CNTN5: variants seen among roughly 807,000 people sequenced by gnomAD.
CNTN5 encodes the protein contactin-5.
A neutral mutation model predicts 129.1 loss-of-function variants in CNTN5; 77 were observed. The observed-to-expected ratio is 0.60, with a 90% CI of 0.50 to 0.72. CNTN5 has a LOEUF of 0.72. Among genes scored for constraint, CNTN5 ranks in the 30% least tolerant of loss-of-function variants. The probability of loss-of-function intolerance (pLI) is 0.00; values close to 1 mark genes in which losing one functional copy is unlikely to be tolerated. For missense variants in CNTN5, 1,478 were observed against 1,328.8 expected (o/e 1.11, Z -1.75); for synonymous variants, 509 against 465.6 (o/e 1.09, Z -1.20).
chr11:99,868,146 G>C (rs1311587660), intron 6 of CNTN5, among the ~76,000 whole-genome samples: 1 of 151,924 alleles, frequency 6.6e-6, no homozygotes, highest in Non-Finnish European at 1.5e-5. Flanking sequence ...AACCCAGGAG[G>C]CGGAGGTTGT....
At chr11:99,814,456 C>T (rs1400534135) in intron 3 of CNTN5, among the ~76,000 whole-genome samples, 2 of 152,134 alleles carry the variant, frequency 1.3e-5, no homozygotes, top group African/African-American at 4.8e-5. Context: ...CTTGGAATCT[C>T]ACAAAGCCCA....
chr11:100,063,378 T>C (rs939479120), intron 10 of CNTN5, among the ~76,000 whole-genome samples: 5 of 148,132 alleles, frequency 3.4e-5, no homozygotes, highest in African/African-American at 1.0e-4. Context: ...TCACTTTGAA[T>C]AGAAAAAAAA....
intron 2 of CNTN5, among the ~76,000 whole-genome samples, chr11:99,399,958 G>A (rs1489401300): frequency 6.6e-6 from 1 of 151,922 alleles, no homozygotes; most frequent in East Asian, 1.9e-4. Context: ...CATGGAAAAT[G>A]GAGTATCTAT....
intron 1 of CNTN5, among the ~76,000 whole-genome samples, chr11:99,179,555 T>G (rs568947934): frequency 6.6e-6 from 1 of 152,216 alleles, no homozygotes; most frequent in Non-Finnish European, 1.5e-5. Context: ...AGAGTTAATG[T>G]AATTTTATGG....
chr11:99,636,076 A>G (rs1951539239), intron 3 of CNTN5, among the ~76,000 whole-genome samples: 1 of 140,098 alleles, frequency 7.1e-6, no homozygotes, highest in Admixed American at 7.0e-5. Context: ...AAACTATATA[A>G]CTAGGAAAGC....
At chr11:100,128,819 C>T (rs191783059) in intron 13 of CNTN5, among the ~76,000 whole-genome samples, 407 of 152,110 alleles carry the variant, frequency 2.7e-3, no homozygotes, top group Non-Finnish European at 4.1e-3. Flanking sequence ...ATGCCACCCC[C>T]CTAAGCCAAC....
At chr11:99,421,605 A>G (rs1171079497) in intron 2 of CNTN5, among the ~76,000 whole-genome samples, 2 of 152,172 alleles carry the variant, frequency 1.3e-5, no homozygotes, top group African/African-American at 4.8e-5. Flanking sequence ...ATGTTTGAAA[A>G]CAATTTGCCA....
At chr11:99,363,260 T>C (rs1231029997) in intron 2 of CNTN5, among the ~76,000 whole-genome samples, 1 of 152,150 alleles carries the variant, frequency 6.6e-6, no homozygotes, top group Admixed American at 6.5e-5. Context: ...ACGTATTTTA[T>C]TCTTTTTGAT....
At chr11:99,894,502 C>G (rs1396657194) in intron 6 of CNTN5, among the ~76,000 whole-genome samples, 1 of 96,628 alleles carries the variant, frequency 1.0e-5, no homozygotes, top group African/African-American at 3.6e-5. Flanking sequence ...TATATTATGA[C>G]AGGTACCAGC....
chr11:99,839,135 A>C (rs542885707), intron 4 of CNTN5, among the ~76,000 whole-genome samples: 1 of 152,280 alleles, frequency 6.6e-6, no homozygotes, highest in African/African-American at 2.4e-5. Flanking sequence ...ATTAAAAAGG[A>C]GGCATGAAAA....
At chr11:99,438,707 G>T (rs1943697110) in intron 2 of CNTN5, among the ~76,000 whole-genome samples, 1 of 152,052 alleles carries the variant, frequency 6.6e-6, no homozygotes, top group African/African-American at 2.4e-5. Context: ...ACTCATTGAG[G>T]ATCCCCCACT....
At chr11:100,169,477 A>G (rs1270528212) in intron 13 of CNTN5, among the ~76,000 whole-genome samples, 2 of 152,148 alleles carry the variant, frequency 1.3e-5, no homozygotes, top group South Asian at 2.1e-4. Flanking sequence ...CTGATAAGTC[A>G]GCAGCCATCT....
intron 3 of CNTN5, among the ~76,000 whole-genome samples, chr11:99,682,482 A>G (rs1037899917): frequency 6.6e-6 from 1 of 152,002 alleles, no homozygotes; most frequent in Non-Finnish European, 1.5e-5. Flanking sequence ...AAAATAATCC[A>G]TAGAACAAAC....
chr11:99,565,614 T>C lies in CNTN5; in HGVS notation c.55+9345T>C, dbSNP rs1163841519. On this transcript the variant is annotated intron_variant, in intron 3 of 24. Transcript: ENST00000524871. ...TTCAAAGAGAATCATTTACAAACCA[T>C]TGTCTGCTCTTTGGGACCATTCAGT... Among the ~76,000 whole-genome samples the C allele has an allele frequency of 2.6e-5, 4 of 152,184 alleles. No individual in the cohort carries two copies. In the East Asian group the frequency reaches 7.7e-4, roughly 29 times the overall value.
At position 99,728,566 on chromosome 11, in the gene CNTN5, G is replaced by A. The variant is rs942425234; in HGVS notation, c.56-90978G>A. The stretch of plus-strand genomic sequence containing the variant: ...AATAGATAACGATCTGCTGTCAAAG[G>A]TATTGCTTTCCTTTATTAGCAGCCT... On this transcript the variant is annotated intron_variant, in intron 3 of 24. Transcript: ENST00000524871. Among the ~76,000 whole-genome samples the A allele has an allele frequency of 8.5e-5, 13 of 152,126 alleles. 1 individual carries two copies. The highest frequency in any genetic ancestry group is 3.9e-4 in the Admixed American group (6 of 15,268).
At chr11:99,998,464 C>A (rs2137453409) in intron 8 of CNTN5, among the ~76,000 whole-genome samples, 1 of 130,964 alleles carries the variant, frequency 7.6e-6, no homozygotes, top group South Asian at 2.7e-4. Context: ...TGAAGGACCT[C>A]TTCAAGGAGA....
intron 1 of CNTN5, among the ~76,000 whole-genome samples, chr11:99,130,283 T>C (rs968517529): frequency 6.6e-6 from 1 of 151,804 alleles, no homozygotes; most frequent in African/African-American, 2.4e-5. Context: ...ACCAAACAAA[T>C]AGAAAGAAGA....
At chr11:99,975,878 G>A (rs1046937782) in intron 8 of CNTN5, among the ~76,000 whole-genome samples, 1 of 152,104 alleles carries the variant, frequency 6.6e-6, no homozygotes, top group African/African-American at 2.4e-5. Flanking sequence ...AACCCATCAT[G>A]CTTTTCCCAA....
chr11:99,921,686 C>T (rs945701061), intron 7 of CNTN5, among the ~76,000 whole-genome samples: 3 of 152,102 alleles, frequency 2.0e-5, no homozygotes, highest in African/African-American at 7.2e-5. Context: ...GACATAAATT[C>T]TGCAGGTTTT....
Sources: allele counts gnomAD v4.1 joint callset (sites outside exome capture counted in the v4.1 genomes callset), GRCh38; gene constraint gnomAD v4.1.1; transcripts MANE v1.5; gene names NCBI Gene and HGNC (gene_info 2026-07-23, HGNC 2026-07-21).